Variants in KIF16B observed in about 807,000 individuals in gnomAD.
KIF16B encodes kinesin-like protein KIF16B.
A neutral mutation model predicts 156.3 loss-of-function variants in KIF16B; 98 were observed. The observed-to-expected ratio is 0.63, with a 90% CI of 0.53 to 0.74. The LOEUF is 0.74. Ranked by LOEUF, KIF16B falls within the 30% of genes least tolerant of loss-of-function variation. The probability of loss-of-function intolerance (pLI) is 0.00; values close to 1 mark genes in which losing one functional copy is unlikely to be tolerated. For synonymous variants in KIF16B, 564 were observed against 583.7 expected (o/e 0.97, Z 0.49); for missense variants, 1,421 against 1,606.5 (o/e 0.88, Z 1.97).
intron 15 of KIF16B, among the ~76,000 whole-genome samples, chr20:16,424,640 C>G (rs6080256): frequency 0.48 from 72,923 of 151,954 alleles, 18,231 homozygotes; most frequent in East Asian, 0.77. Flanking sequence ...AAAACTATTA[C>G]GCAGGCAAAA....
chr20:16,515,715 AAT>A (rs1403429252), intron 3 of KIF16B, 51 bp from the exon 4 acceptor site: 5 of 1,011,578 alleles, frequency 4.9e-6, no homozygotes, highest in Non-Finnish European at 7.8e-6. Flanking sequence ...AGATTTTAAT[AAT>A]AGCCCCTTCA....
At chr20:16,467,731 C>T (rs904017280) in intron 12 of KIF16B, among the ~76,000 whole-genome samples, 1 of 150,876 alleles carries the variant, frequency 6.6e-6, no homozygotes, top group Admixed American at 6.6e-5. Context: ...AAAAAAAAAC[C>T]CGGCCAACCT....
intron 22 of KIF16B, chr20:16,368,707 G>A (rs1250128076): frequency 1.0e-6 from 1 of 985,848 alleles, no homozygotes; most frequent in Non-Finnish European, 1.2e-6. Flanking sequence ...AAACTCAGAC[G>A]CCAGTACGCT....
chr20:16,330,178 ACTTAT>A (rs1295971638), intron 24 of KIF16B, among the ~76,000 whole-genome samples: 5 of 152,096 alleles, frequency 3.3e-5, no homozygotes, highest in Admixed American at 2.6e-4. Flanking sequence ...TTATTCACAG[ACTTAT>A]CTTATATCTA....
chr20:16,346,178 G>A (rs1235753647), intron 23 of KIF16B, among the ~76,000 whole-genome samples: 3 of 152,192 alleles, frequency 2.0e-5, no homozygotes, highest in Non-Finnish European at 4.4e-5. Flanking sequence ...CTGTTCAAAG[G>A]TACTTGAGGG....
chr20:16,446,739 T>C (rs2066941539), intron 12 of KIF16B, among the ~76,000 whole-genome samples: 1 of 152,180 alleles, frequency 6.6e-6, no homozygotes, highest in Non-Finnish European at 1.5e-5. Flanking sequence ...GATCTAATCA[T>C]AAGAGAATAT....
rs2062994686 is a variant in KIF16B at position 16,272,163 on chromosome 20, A to T, written c.*1090T>A. 6.6e-6 allele frequency: 1 copy of T among 152,668 alleles called. No homozygotes were observed. Among genetic ancestry groups the T allele is most frequent in the African/African-American group, 2.4e-5 (1 of 41,456 alleles). The allele number at this position is 152,668 out of a possible 1,614,324, so 9.5% of individuals were successfully genotyped here. On this transcript the variant is annotated 3_prime_UTR_variant, in exon 26 of 26. Transcript: ENST00000354981. ...CTCAATTTAAATTTTGAAAAAGCAA[A>T]TACATTTAATAAAATTGGTGTGAAT... is the stretch of plus-strand genomic sequence containing the variant.
intron 3 of KIF16B, among the ~76,000 whole-genome samples, chr20:16,525,860 A>C (rs1349400012): frequency 6.6e-6 from 1 of 152,150 alleles, no homozygotes; most frequent in East Asian, 1.9e-4. Flanking sequence ...AAAAATTATC[A>C]TCATTATGCT....
chr20:16,418,529 T>C (rs1209276172), intron 15 of KIF16B, among the ~76,000 whole-genome samples: 2 of 152,184 alleles, frequency 1.3e-5, no homozygotes, highest in Non-Finnish European at 2.9e-5. Flanking sequence ...CAACTGTCAC[T>C]GCCCCTACCT....
intron 3 of KIF16B, among the ~76,000 whole-genome samples, chr20:16,517,222 A>G (rs2069172740): frequency 6.6e-6 from 1 of 152,242 alleles, no homozygotes. Context: ...TTGTTTCCTC[A>G]GCCTCATCAG....
At chr20:16,326,368 C>A (rs1489320153) in intron 24 of KIF16B, among the ~76,000 whole-genome samples, 1 of 150,786 alleles carries the variant, frequency 6.6e-6, no homozygotes, top group Non-Finnish European at 1.5e-5. Flanking sequence ...ACAGACAGCC[C>A]ATAGAGTGGG....
At chr20:16,300,545 T>A (rs1216225058) in intron 25 of KIF16B, among the ~76,000 whole-genome samples, 2 of 151,874 alleles carry the variant, frequency 1.3e-5, no homozygotes, top group African/African-American at 4.8e-5. Flanking sequence ...AAGGGCACAG[T>A]GGAAAAATAA....
chr20:16,508,095 A>T lies in KIF16B; in HGVS notation c.562T>A (p.Ser188Thr), dbSNP rs1420833297. ...CCATAATTCTGTACTAAATGTTTGG[A>T]TAAATCTGAAAAAGAAAATGGAAGG... ...PKEGPYVEDL[S>T]KHLVQNYGDV... is the part of the protein sequence containing the mutation. The change falls in exon 7 of 26, where the codon TCC (serine) becomes ACC (threonine). Residue 188 changes from serine to threonine, a missense_variant. Ser to Thr is a moderately conservative substitution (Grantham distance 58). Coordinates refer to ENST00000354981, the MANE Select transcript of KIF16B (RefSeq NM_024704.5). 6.2e-7 allele frequency: 1 copy of T among 1,613,946 alleles called. No homozygotes were observed. The highest frequency in any genetic ancestry group is 8.5e-7 in the Non-Finnish European group (1 of 1,179,914).
chr20:16,400,091 G>A (rs1201717265), intron 17 of KIF16B, among the ~76,000 whole-genome samples: 1 of 152,216 alleles, frequency 6.6e-6, no homozygotes, highest in East Asian at 1.9e-4. Context: ...TGAGAAACAT[G>A]CAAATGAGCT....
In KIF16B at chr20:16,448,439, G is replaced by A. The variant is rs75375875; in HGVS notation, c.1303-18457C>T. 7.2e-3 allele frequency among the ~76,000 whole-genome samples: 1,096 copies of A among 152,290 alleles called. 18 individuals are homozygous for A. Among genetic ancestry groups the A allele is most frequent in the African/African-American group, 0.025 (1,053 of 41,564 alleles). Reference sequence around the variant, plus strand: ...AGACAAATGAAGAATCTGGCAAAGTGTAGACCACCTAGCCCAGTCCTTCAG... The same window carrying A: ...AGACAAATGAAGAATCTGGCAAAGTATAGACCACCTAGCCCAGTCCTTCAG... On this transcript the variant is annotated intron_variant, in intron 12 of 25. Coordinates refer to ENST00000354981, the MANE Select transcript of KIF16B (RefSeq NM_024704.5).
chr20:16,326,057 C>A (rs6043890), intron 24 of KIF16B, among the ~76,000 whole-genome samples: 2 of 152,010 alleles, frequency 1.3e-5, no homozygotes, highest in Non-Finnish European at 2.9e-5. Flanking sequence ...GACAGGACAC[C>A]TTATTCAACA....
At chr20:16,421,918 G>A (rs1281332359) in intron 15 of KIF16B, among the ~76,000 whole-genome samples, 1 of 152,098 alleles carries the variant, frequency 6.6e-6, no homozygotes, top group Admixed American at 6.6e-5. Flanking sequence ...ATCCCGCAGG[G>A]AAAGACAATT....
chr20:16,551,254 C>G (rs1600682062), intron 1 of KIF16B, among the ~76,000 whole-genome samples: 1 of 152,184 alleles, frequency 6.6e-6, no homozygotes, highest in African/African-American at 2.4e-5. Context: ...CCTCAGCCTC[C>G]TAAGTAGCGG....
intron 12 of KIF16B, among the ~76,000 whole-genome samples, chr20:16,437,519 T>C (rs2146499426): frequency 1.3e-5 from 2 of 152,288 alleles, no homozygotes; most frequent in Middle Eastern, 6.8e-3. Context: ...AGAATGGAAG[T>C]GACACCCCTT....
Sources: gnomAD v4.1 joint callset for allele counts (sites outside exome capture counted in the v4.1 genomes callset) on GRCh38, gnomAD v4.1.1 for gene constraint, MANE v1.5 for transcripts, NCBI Gene and HGNC (gene_info 2026-07-23, HGNC 2026-07-21) for gene names.